Variants in MPP7 observed in about 807,000 individuals in gnomAD.
MPP7 encodes MAGUK p55 scaffold protein 7, also known as MAGUK p55 subfamily member 7.
In MPP7, 60 loss-of-function variants were observed where a neutral mutation model predicts 76.5. That is an observed-to-expected ratio of 0.78 (90% CI 0.64 to 0.97). The LOEUF (loss-of-function observed/expected upper bound fraction) is 0.97, where lower values mean the gene tolerates loss of function less well. Ranked by LOEUF, MPP7 falls within the 50% of genes least tolerant of loss-of-function variation. MPP7 has a pLI of 0.00. For missense variants in MPP7, 641 were observed against 694.0 expected (o/e 0.92, Z 0.86); for synonymous variants, 237 against 244.5 (o/e 0.97, Z 0.29).
At chr10:28,062,000 A>C (rs1414669808) in intron 13 of MPP7, among the ~76,000 whole-genome samples, 2 of 152,330 alleles carry the variant, frequency 1.3e-5, no homozygotes, top group Non-Finnish European at 2.9e-5. Flanking sequence ...TGTTCAAAAA[A>C]AATATTCAAG....
rs753963046 is a variant in MPP7 at position 28,157,952 on chromosome 10, C to T, written c.157-7893G>A. 7.9e-5 allele frequency among the ~76,000 whole-genome samples: 12 copies of T among 151,858 alleles called. No homozygotes were observed. The South Asian group carries it at 1.0e-3, about 13-fold the overall frequency. ...CATATTTATCTGTTTACACCCCCAT[C>T]GGTAAGGAAATTCATAGATCAGGGA... On this transcript the variant is annotated intron_variant, in intron 3 of 16. Coordinates refer to ENST00000683449, the MANE Select transcript of MPP7 (RefSeq NM_001318170.2).
chr10:28,273,625 C>G (rs1039118889), intron 1 of MPP7, among the ~76,000 whole-genome samples: 32 of 152,160 alleles, frequency 2.1e-4, no homozygotes, highest in African/African-American at 7.7e-4. Flanking sequence ...ACTATAAAAG[C>G]AAGGAATTTA....
intron 16 of MPP7, 115 bp downstream of exon 16, chr10:28,056,365 G>A (rs1342066415): frequency 9.3e-7 from 1 of 1,077,890 alleles, no homozygotes; most frequent in African/African-American, 1.6e-5. Flanking sequence ...CACCACCTTG[G>A]CCAGGCTGGT....
intron 2 of MPP7, among the ~76,000 whole-genome samples, chr10:28,321,699 C>T (rs1212250119): frequency 1.3e-5 from 2 of 152,130 alleles, no homozygotes; most frequent in African/African-American, 4.8e-5. Context: ...ATTCTCCTGC[C>T]TCAGCCTCCT....
At chr10:28,318,687 A>AAAAAT (rs1379480282) in intron 2 of MPP7, among the ~76,000 whole-genome samples, 3 of 152,212 alleles carry the variant, frequency 2.0e-5, no homozygotes, top group Non-Finnish European at 4.4e-5. Flanking sequence ...CTCCATATCA[A>AAAAAT]AAAATAAAAG....
At chr10:28,244,569 G>A (rs1310794611) in intron 1 of MPP7, among the ~76,000 whole-genome samples, 2 of 152,120 alleles carry the variant, frequency 1.3e-5, no homozygotes, top group Non-Finnish European at 2.9e-5. Flanking sequence ...GGGGTTCAAT[G>A]ATTAATATAA....
At chr10:28,107,167 A>G (rs1834351739) in intron 11 of MPP7, among the ~76,000 whole-genome samples, 1 of 152,112 alleles carries the variant, frequency 6.6e-6, no homozygotes, top group South Asian at 2.1e-4. Flanking sequence ...TCGAACTTAA[A>G]TATGTCCAGT....
intron 2 of MPP7, among the ~76,000 whole-genome samples, chr10:28,225,266 C>A (rs9664773): frequency 0.17 from 26,394 of 152,024 alleles, 2,592 homozygotes; most frequent in African/African-American, 0.26. Flanking sequence ...TGTATTTGAT[C>A]ATGGATTCTT....
At chr10:28,295,943 C>A (rs893367369) in intron 1 of MPP7, among the ~76,000 whole-genome samples, 12 of 152,178 alleles carry the variant, frequency 7.9e-5, no homozygotes, top group African/African-American at 2.9e-4. Flanking sequence ...TATTCAAGCA[C>A]CTACCATAAT....
chr10:28,054,337 G>T lies in MPP7; in HGVS notation c.1552-93C>A. On this transcript the variant is annotated intron_variant, in intron 16 of 16. Coordinates refer to ENST00000683449, the MANE Select transcript of MPP7 (RefSeq NM_001318170.2). The stretch of plus-strand genomic sequence containing the variant: ...ACATTCTACAATTGGTTTACCTAAT[G>T]CTGTTCTGTGTTCAGTCTTTCCCCT... The T allele has an allele frequency of 2.7e-6, 2 of 738,730 alleles. 1 individual carries two copies. Among genetic ancestry groups the T allele is most frequent in the South Asian group, 3.9e-5 (2 of 50,940 alleles). 45.8% of individuals were successfully genotyped at this position (738,730 alleles called of 1,614,324 possible). A position where few individuals can be genotyped will look rare whatever the true frequency, so the allele number is the denominator to read the frequency against.
intron 1 of MPP7, among the ~76,000 whole-genome samples, chr10:28,300,724 G>C (rs577218182): frequency 3.9e-5 from 6 of 152,104 alleles, no homozygotes; most frequent in Non-Finnish European, 7.4e-5. Context: ...GGCCAAGGCA[G>C]GCAGATCACT....
intron 12 of MPP7, among the ~76,000 whole-genome samples, chr10:28,071,593 A>G (rs918178035): frequency 6.6e-6 from 1 of 152,228 alleles, no homozygotes; most frequent in Non-Finnish European, 1.5e-5. Flanking sequence ...ACTTATCGAC[A>G]TAATTCTCCC....
At chr10:28,287,391 A>T (rs1216833111) in intron 1 of MPP7, among the ~76,000 whole-genome samples, 1 of 152,238 alleles carries the variant, frequency 6.6e-6, no homozygotes, top group Admixed American at 6.5e-5. Context: ...GAGGTGATGG[A>T]CACGTTTATC....
At chr10:28,173,227 G>GA (rs71523597) in intron 3 of MPP7, among the ~76,000 whole-genome samples, 6,207 of 116,434 alleles carry the variant, frequency 0.053, 195 homozygotes, top group Non-Finnish European at 0.081. Flanking sequence ...GAGTAGCGAT[G>GA]AAAAAAAAAA....
chr10:28,233,443 C>A (rs1204854832), intron 2 of MPP7, among the ~76,000 whole-genome samples: 1 of 151,884 alleles, frequency 6.6e-6, no homozygotes, highest in African/African-American at 2.4e-5. Flanking sequence ...CGCGGTGGCT[C>A]ACGCCTGTAA....
chr10:28,210,218 G>A (rs746670943), intron 2 of MPP7, among the ~76,000 whole-genome samples: 3 of 152,082 alleles, frequency 2.0e-5, no homozygotes, highest in African/African-American at 4.8e-5. Flanking sequence ...CCATAATCAC[G>A]TGAGTGAATT....
intron 3 of MPP7, among the ~76,000 whole-genome samples, chr10:28,192,518 G>A (rs921699172): frequency 1.3e-5 from 2 of 152,078 alleles, no homozygotes; most frequent in Admixed American, 1.3e-4. Context: ...CCACTCCAAA[G>A]CCATAGCACC....
At chr10:28,287,550 G>C (rs926270985) in intron 1 of MPP7, among the ~76,000 whole-genome samples, 25 of 151,984 alleles carry the variant, frequency 1.6e-4, no homozygotes, top group African/African-American at 5.1e-4. Flanking sequence ...GCATGATTTG[G>C]AAAATACTGG....
At chr10:28,309,015 T>C (rs1266530363) in intron 2 of MPP7, among the ~76,000 whole-genome samples, 1 of 152,206 alleles carries the variant, frequency 6.6e-6, no homozygotes, top group Non-Finnish European at 1.5e-5. Context: ...GATTCAAGCC[T>C]GAGGATCACT....
Sources: gnomAD v4.1 joint callset for allele counts (sites outside exome capture counted in the v4.1 genomes callset) on GRCh38, gnomAD v4.1.1 for gene constraint, MANE v1.5 for transcripts, NCBI Gene and HGNC (gene_info 2026-07-23, HGNC 2026-07-21) for gene names.